Variants in ANO3 observed in about 807,000 individuals in gnomAD.
ANO3 encodes the protein anoctamin-3.
Under a neutral mutation model 144.8 loss-of-function variants are expected in ANO3, and 99 were observed. The ratio of observed to expected loss-of-function variants is 0.68; its 90% CI spans 0.58 to 0.81. The LOEUF is 0.81. Among genes scored for constraint, ANO3 ranks in the 30% least tolerant of loss-of-function variants. The pLI, the probability that ANO3 is intolerant of heterozygous loss-of-function variation, is 0.00. For missense variants in ANO3, 905 were observed against 1,202.2 expected (o/e 0.75, Z 3.66); for synonymous variants, 414 against 392.6 (o/e 1.05, Z -0.64).
chr11:26,511,428 A>AT (rs1482214382), intron 5 of ANO3, among the ~76,000 whole-genome samples: 1 of 152,160 alleles, frequency 6.6e-6, no homozygotes, highest in African/African-American at 2.4e-5. Flanking sequence ...ACAAAAAAAA[A>AT]TTTTTTATAC....
At chr11:26,353,363 T>C (rs889133972) in intron 1 of ANO3, among the ~76,000 whole-genome samples, 3 of 152,224 alleles carry the variant, frequency 2.0e-5, no homozygotes, top group African/African-American at 7.2e-5. Context: ...CAGGGTCTTA[T>C]CGTCCCCTAC....
At chr11:26,386,646 G>T (rs1856742422) in intron 1 of ANO3, among the ~76,000 whole-genome samples, 1 of 152,170 alleles carries the variant, frequency 6.6e-6, no homozygotes, top group Non-Finnish European at 1.5e-5. Context: ...TTTGTGCCAA[G>T]AATGTAGGAG....
At chr11:26,202,273 AAT>A (rs537785480) in intron 1 of ANO3, among the ~76,000 whole-genome samples, 24 of 145,756 alleles carry the variant, frequency 1.6e-4, no homozygotes, top group African/African-American at 5.5e-4. Flanking sequence ...ATATCTATAT[AAT>A]ATATATTATA....
At chr11:26,620,000 A>G (rs1264702755) in intron 17 of ANO3, among the ~76,000 whole-genome samples, 1 of 152,230 alleles carries the variant, frequency 6.6e-6, no homozygotes, top group Non-Finnish European at 1.5e-5. Context: ...TAATTAAAAC[A>G]TCAATGTATT....
chr11:26,428,301 G>T (rs144496501), intron 1 of ANO3, among the ~76,000 whole-genome samples: 47 of 152,118 alleles, frequency 3.1e-4, no homozygotes, highest in African/African-American at 1.0e-3. Context: ...TATTGAAAAG[G>T]GCCTAAATTA....
At chr11:26,462,909 A>T (rs961958206) in intron 3 of ANO3, 121 bp from the exon 4 acceptor site, 25 of 430,656 alleles carry the variant, frequency 5.8e-5, no homozygotes, top group Middle Eastern at 1.2e-3. Context: ...AATTTTATGT[A>T]TTTTCTAGTA....
At chr11:26,447,253 A>T (rs1590366534) in intron 3 of ANO3, among the ~76,000 whole-genome samples, 2 of 150,770 alleles carry the variant, frequency 1.3e-5, no homozygotes, top group Non-Finnish European at 2.9e-5. Context: ...CTTTTATGGC[A>T]TAATGATGGC....
At chr11:26,366,153 C>T (rs576232107) in intron 1 of ANO3, among the ~76,000 whole-genome samples, 150 of 152,054 alleles carry the variant, frequency 9.9e-4, no homozygotes, top group African/African-American at 3.1e-3. Flanking sequence ...CCTCCCCTCA[C>T]CCCACAACAG....
At chr11:26,219,601 T>C (rs1032590560) in intron 1 of ANO3, among the ~76,000 whole-genome samples, 5 of 152,168 alleles carry the variant, frequency 3.3e-5, no homozygotes, top group African/African-American at 1.2e-4. Flanking sequence ...GAGCACCTCA[T>C]CAAAGGCACC....
upstream of ANO3, among the ~76,000 whole-genome samples, chr11:26,328,613 TG>T (rs1385926901): frequency 1.3e-5 from 2 of 152,118 alleles, no homozygotes; most frequent in Non-Finnish European, 2.9e-5. Flanking sequence ...CTTACCTCTC[TG>T]GGGAGCAAAT....
At position 26,553,295 on chromosome 11, in the gene ANO3, G is replaced by A. The variant is rs1849992356; in HGVS notation, c.1336G>A (p.Asp446Asn). The A allele has an allele frequency of 6.3e-7, 1 of 1,594,916 alleles. No homozygotes were observed. The highest frequency in any genetic ancestry group is 8.6e-7 in the Non-Finnish European group (1 of 1,168,010). ...ATEVFMCPLC[D>N]KNCSLQRLND... The stretch of plus-strand genomic sequence containing the variant: ...TGAAGTCTTTATGTGCCCTCTCTGT[G>A]ACAAGAACTGCTCCCTGCAGAGACT... The change falls in exon 13 of 27, where the codon GAC becomes AAC. Residue 446 changes from aspartate to asparagine, a missense_variant. Coordinates refer to ENST00000256737, the MANE Select transcript of ANO3 (RefSeq NM_031418.4).
intron 3 of ANO3, among the ~76,000 whole-genome samples, chr11:26,457,064 G>A (rs1426687674): frequency 5.9e-5 from 8 of 136,084 alleles, no homozygotes; most frequent in African/African-American, 1.7e-4. Context: ...ATCACACTCT[G>A]GGGACTGTTG....
intron 1 of ANO3, among the ~76,000 whole-genome samples, chr11:26,278,765 T>A (rs1032936444): frequency 6.6e-6 from 1 of 152,130 alleles, no homozygotes; most frequent in Non-Finnish European, 1.5e-5. Flanking sequence ...CCCACCTCTC[T>A]ATTGGTGTTC....
In ANO3 at chr11:26,397,851, A is replaced by C. The variant is rs552904185; in HGVS notation, c.47-44067A>C. ...TAACAAATCTCTCCATATATTCTTG[A>C]GAAGAGATGAAGACACAGTAAGAAT... On this transcript the variant is annotated intron_variant, in intron 1 of 26. Coordinates refer to ENST00000256737, the MANE Select transcript of ANO3 (RefSeq NM_031418.4). Among the ~76,000 whole-genome samples the C allele has an allele frequency of 1.1e-4, 16 of 141,738 alleles. No individual in the cohort carries two copies. The Admixed American group carries it at 1.1e-3, about 10-fold the overall frequency. 93.0% of individuals were successfully genotyped at this position (141,738 alleles called of 152,430 possible).
At chr11:26,513,330 G>A (rs1192106819) in intron 5 of ANO3, among the ~76,000 whole-genome samples, 2 of 152,176 alleles carry the variant, frequency 1.3e-5, no homozygotes. Context: ...AGGCCACTGA[G>A]GACAAGAGTG....
intron 14 of ANO3, among the ~76,000 whole-genome samples, chr11:26,585,054 A>G (rs1005178282): frequency 2.0e-5 from 3 of 152,204 alleles, no homozygotes; most frequent in African/African-American, 7.2e-5. Flanking sequence ...CTTTCCCCTG[A>G]TAACAAAAAT....
At chr11:26,567,189 C>A in intron 14 of ANO3, 1 of 1,183,962 alleles carries the variant, frequency 8.4e-7, no homozygotes, top group Non-Finnish European at 1.1e-6. Flanking sequence ...TGACTCCAAT[C>A]TCATTAGAGG....
In ANO3 at chr11:26,486,690, A is replaced by G. The variant is rs972784786; in HGVS notation, c.433-21414A>G. Among the ~76,000 whole-genome samples the G allele has an allele frequency of 6.6e-5, 10 of 152,216 alleles. 1 individual carries two copies. Among genetic ancestry groups the G allele is most frequent in the Non-Finnish European group, 1.3e-4 (9 of 68,032 alleles). ...AGCGGAAACTACTGGCATCTTATAC[A>G]CTAAATTGGTATGTTTTCATTAATT... On this transcript the variant is annotated intron_variant, in intron 4 of 26. Coordinates refer to ENST00000256737, the MANE Select transcript of ANO3 (RefSeq NM_031418.4).
At chr11:26,208,507 C>T (rs1349888766) in intron 1 of ANO3, among the ~76,000 whole-genome samples, 15 of 120,638 alleles carry the variant, frequency 1.2e-4, no homozygotes, top group South Asian at 7.9e-4. Flanking sequence ...AGCAAGACTC[C>T]GTCTCAAAAA....
Sources: gnomAD v4.1 joint callset for allele counts (sites outside exome capture counted in the v4.1 genomes callset) on GRCh38, gnomAD v4.1.1 for gene constraint, MANE v1.5 for transcripts, NCBI Gene and HGNC (gene_info 2026-07-23, HGNC 2026-07-21) for gene names.